DHRS1: variants seen among roughly 807,000 people sequenced by gnomAD.
DHRS1 encodes dehydrogenase/reductase 1, also known as dehydrogenase/reductase SDR family member 1.
A neutral mutation model predicts 35.2 loss-of-function variants in DHRS1; 34 were observed. The observed-to-expected ratio is 0.97, with a 90% CI of 0.74 to 1.29. The LOEUF is 1.29. Ranked by LOEUF, DHRS1 falls within the 50% of genes most tolerant of loss-of-function variation. The pLI, the probability that DHRS1 is intolerant of heterozygous loss-of-function variation, is 0.00. For missense variants in DHRS1, 354 were observed against 403.6 expected (o/e 0.88, Z 1.05); for synonymous variants, 133 against 160.0 (o/e 0.83, Z 1.27).
At chr14:24,292,819 G>A (rs951891751) in intron 4 of DHRS1, 35 bp from the exon 5 acceptor site, 12 of 1,593,538 alleles carry the variant, frequency 7.5e-6, no homozygotes, top group Admixed American at 7.2e-5. Flanking sequence ...GGAATGAACC[G>A]TGTTAGTGCT....
chr14:24,297,778 T>C (rs2041278844), intron 2 of DHRS1, among the ~76,000 whole-genome samples: 1 of 152,212 alleles, frequency 6.6e-6, no homozygotes, highest in East Asian at 1.9e-4. Flanking sequence ...AGCGTCCCTA[T>C]GCTTATGGAG....
rs1566408061 is a variant in DHRS1, at chr14:24,299,756, C to T, written c.-200G>A. 2 of 606,956 alleles carry T rather than the reference C, an allele frequency of 3.3e-6. No individual in the cohort carries two copies. Among genetic ancestry groups the T allele is most frequent in the Admixed American group, 6.7e-5 (2 of 30,052 alleles). 37.6% of individuals were successfully genotyped at this position (606,956 alleles called of 1,614,324 possible). A position where few individuals can be genotyped will look rare whatever the true frequency, so the allele number is the denominator to read the frequency against. ...GCAGAGTCCCAGGCCAAAGTTAGAA[C>T]CTGCGGATGGGGGCGGAGCGATCTG... On this transcript the variant is annotated 5_prime_UTR_variant, in exon 1 of 9. Transcript: ENST00000288111.
chr14:24,291,701 T>C lies in DHRS1; in HGVS notation c.655-76A>G, dbSNP rs540601976. 5 of 1,468,052 alleles carry C rather than the reference T, an allele frequency of 3.4e-6. No homozygotes were observed. The East Asian group carries it at 9.0e-5, about 27-fold the overall frequency. The allele number at this position is 1,468,052 out of a possible 1,614,324, so 90.9% of individuals were successfully genotyped here. On this transcript the variant is annotated intron_variant, in intron 6 of 8. Coordinates refer to ENST00000288111, the MANE Select transcript of DHRS1 (RefSeq NM_001136050.3). ...CAGGTCTCCTCCCCATTTCAACTTCTGTTCCAGGAGAAAAAGACCAAAGAC... is the reference window on the plus strand; with the variant it reads ...CAGGTCTCCTCCCCATTTCAACTTCCGTTCCAGGAGAAAAAGACCAAAGAC...
At chr14:24,293,460 G>C (rs541942165) in intron 4 of DHRS1, 5 of 152,152 alleles carry the variant, frequency 3.3e-5, no homozygotes, top group Admixed American at 2.6e-4. Flanking sequence ...TATAGTCCCA[G>C]CTACTCGGGA....
chr14:24,292,018 G>T, intron 6 of DHRS1, 166 bp downstream of exon 6: 1 of 879,582 alleles, frequency 1.1e-6, no homozygotes, highest in East Asian at 2.5e-5. Context: ...CTGTAGAATG[G>T]AGCTGGTATC....
intron 2 of DHRS1, 195 bp downstream of exon 2, chr14:24,298,762 C>G (rs2041308484): frequency 1.4e-6 from 1 of 726,708 alleles, no homozygotes; most frequent in Admixed American, 3.5e-5. Context: ...AAAGTTTTTT[C>G]ATAAAACTCA....
rs1487785524 is a variant in DHRS1, at chr14:24,291,991, G to T, written c.654+193C>A. ...TTCAACAAGTTTCTAAACCTCTCTG[G>T]GTTTCAGTTTTGCCATCTGTAGAAT... On this transcript the variant is annotated intron_variant, in intron 6 of 8. Transcript: ENST00000288111. The T allele has an allele frequency of 1.3e-5, 9 of 713,506 alleles. No homozygotes were observed. The Admixed American group carries it at 2.3e-4, about 18-fold the overall frequency. 44.2% of individuals were successfully genotyped at this position (713,506 alleles called of 1,614,324 possible).
At chr14:24,293,130 C>T (rs758097315) in intron 4 of DHRS1, 68 of 220,200 alleles carry the variant, frequency 3.1e-4, no homozygotes, top group Non-Finnish European at 4.9e-4. Flanking sequence ...TAAGTACAGA[C>T]AAAATCTTTC....
chr14:24,296,800 C>G lies in DHRS1; in HGVS notation c.232G>C (p.Val78Leu). Residue 78 changes from valine to leucine, a missense_variant, in exon 3 of 9, where the codon GTG becomes CTG. Transcript: ENST00000288111. ...AGACGCCCTTGCTGTTCCCGATCCA[C>G]TTGCTCAAACAGGCTTCGCACTTCA... ...ESEVRSLFEQ[V>L]DREQQGRLDV... is the part of the protein sequence containing the mutation. The G allele has an allele frequency of 6.2e-7, 1 of 1,614,244 alleles. No homozygotes were observed. Among genetic ancestry groups the G allele is most frequent in the Non-Finnish European group, 8.5e-7 (1 of 1,180,038 alleles).
rs1027868017 is a variant in DHRS1, at chr14:24,299,050, A to G, written c.57T>C (p.Ile19=). Residue 19 remains isoleucine, a synonymous_variant, in exon 2 of 9, where the codon ATT becomes ATC. Coordinates refer to ENST00000288111, the MANE Select transcript of DHRS1 (RefSeq NM_001136050.3). ...AGAGCTGCAAGGCAATGCCACGGCCAATACCCCTGGAGGCACCAGTCACCA... is the reference window on the plus strand; with the variant it reads ...AGAGCTGCAAGGCAATGCCACGGCCGATACCCCTGGAGGCACCAGTCACCA... ...VCVVTGASRG[I]GRGIALQLCK... 6.2e-7 allele frequency: 1 copy of G among 1,614,126 alleles called. No individual in the cohort carries two copies. The highest frequency in any genetic ancestry group is 8.5e-7 in the Non-Finnish European group (1 of 1,179,988).
At chr14:24,292,893 G>A (rs2041188080) in intron 4 of DHRS1, 109 bp from the exon 5 acceptor site, 3 of 1,416,758 alleles carry the variant, frequency 2.1e-6, no homozygotes, top group Non-Finnish European at 2.8e-6. Flanking sequence ...CCACTAGGAA[G>A]GCTACACAGG....
chr14:24,291,043 C>T, intron 8 of DHRS1, 48 bp from the exon 9 acceptor site: 2 of 1,613,484 alleles, frequency 1.2e-6, no homozygotes, highest in Non-Finnish European at 1.7e-6. Context: ...TCCCACTCCT[C>T]AGATACCCTC....
Position 24,291,073 on chromosome 14 carries a change from A to AG in DHRS1, c.805+65dup, listed in dbSNP as rs771764036. ...ACCCTCACCTTGGCTGGAGAGACCGAGGGAGGAGTGGGCAGGGAACAGAGG... is the reference window on the plus strand; with the variant it reads ...ACCCTCACCTTGGCTGGAGAGACCGAGGGGAGGAGTGGGCAGGGAACAGAGG... On this transcript the variant is annotated intron_variant, in intron 8 of 8. Coordinates refer to ENST00000288111, the MANE Select transcript of DHRS1 (RefSeq NM_001136050.3). The AG allele has an allele frequency of 1.4e-3, 2,192 of 1,613,030 alleles. 5 individuals are homozygous for AG. Among genetic ancestry groups the AG allele is most frequent in the Non-Finnish European group, 1.8e-3 (2,093 of 1,179,324 alleles).
chr14:24,298,849 T>G (rs2041310357), intron 2 of DHRS1, 108 bp downstream of exon 2: 1 of 1,210,952 alleles, frequency 8.3e-7, no homozygotes, highest in East Asian at 2.7e-5. Context: ...TATTCACATC[T>G]TGTTGAGTAG....
At chr14:24,293,068 AAACTT>A (rs1290411348) in intron 4 of DHRS1, 9 of 402,254 alleles carry the variant, frequency 2.2e-5, no homozygotes, top group South Asian at 2.1e-4. Flanking sequence ...CAGGGGGAGA[AAACTT>A]AAGAAATGTA....
chr14:24,293,502 A>C (rs1207072745), intron 4 of DHRS1: 1 of 152,236 alleles, frequency 6.6e-6, no homozygotes, highest in Non-Finnish European at 1.5e-5. Context: ...TGAGCCCAGG[A>C]GGCGGAGGTT....
At chr14:24,295,717 A>G (rs537580906) in intron 4 of DHRS1, among the ~76,000 whole-genome samples, 4 of 152,184 alleles carry the variant, frequency 2.6e-5, no homozygotes, top group Non-Finnish European at 5.9e-5. Flanking sequence ...TGGCCTCACC[A>G]TCCTCCTCTG....
chr14:24,291,271 A>G (rs2041153666), intron 7 of DHRS1, 52 bp from the exon 8 acceptor site: 3 of 1,589,134 alleles, frequency 1.9e-6, no homozygotes, highest in Non-Finnish European at 2.6e-6. Context: ...ATGCAGAGTG[A>G]CAAGGTTTGG....
intron 2 of DHRS1, among the ~76,000 whole-genome samples, chr14:24,297,913 A>G (rs975474984): frequency 3.3e-5 from 5 of 152,086 alleles, no homozygotes; most frequent in African/African-American, 9.7e-5. Flanking sequence ...CCACTCTCCT[A>G]TGTCATCTGG....
Sources: allele counts gnomAD v4.1 joint callset (sites outside exome capture counted in the v4.1 genomes callset), GRCh38; gene constraint gnomAD v4.1.1; transcripts MANE v1.5; gene names NCBI Gene and HGNC (gene_info 2026-07-23, HGNC 2026-07-21).